Variants in EBF2 observed in about 807,000 individuals in gnomAD.
EBF2 encodes EBF transcription factor 2, also known as transcription factor COE2.
EBF2 carries 21 observed loss-of-function variants against 72.8 expected under a neutral mutation model. The observed-to-expected ratio is 0.29, with a 90% confidence interval of 0.20 to 0.42. The LOEUF (loss-of-function observed/expected upper bound fraction) is 0.42. Among genes scored for constraint, EBF2 ranks in the 10% least tolerant of loss-of-function variants. The pLI, the probability that EBF2 is intolerant of heterozygous loss-of-function variation, is 1.00. For synonymous variants in EBF2, 299 were observed against 274.2 expected (o/e 1.09, Z -0.89); for missense variants, 637 against 731.2 (o/e 0.87, Z 1.49).
chr8:25,987,455 C>G (rs539222294), intron 6 of EBF2, among the ~76,000 whole-genome samples: 2 of 152,252 alleles, frequency 1.3e-5, no homozygotes, highest in African/African-American at 4.8e-5. Flanking sequence ...CACTCTATGG[C>G]TGGCTCTCCA....
At chr8:25,915,382 C>T (rs1296946968) in intron 6 of EBF2, among the ~76,000 whole-genome samples, 3 of 151,992 alleles carry the variant, frequency 2.0e-5, no homozygotes, top group Non-Finnish European at 2.9e-5. Context: ...TCTTCCTCTT[C>T]TGCTGGAATA....
At chr8:25,926,368 C>T (rs1405860890) in intron 6 of EBF2, among the ~76,000 whole-genome samples, 2 of 152,112 alleles carry the variant, frequency 1.3e-5, no homozygotes, top group African/African-American at 4.8e-5. Context: ...TCTCCTCTCA[C>T]CCCCACCTTT....
intron 6 of EBF2, among the ~76,000 whole-genome samples, chr8:26,017,256 T>C (rs866006117): frequency 6.6e-6 from 1 of 152,090 alleles, no homozygotes; most frequent in Non-Finnish European, 1.5e-5. Context: ...GTGCCCACCC[T>C]GTCTAAATAC....
chr8:25,866,001 G>A (rs1189170439), intron 10 of EBF2, among the ~76,000 whole-genome samples: 3 of 151,550 alleles, frequency 2.0e-5, no homozygotes. Context: ...CCCCAGCCTG[G>A]GTGACAGAGC....
chr8:25,849,316 A>G (rs1441050376), intron 15 of EBF2, among the ~76,000 whole-genome samples: 2 of 152,152 alleles, frequency 1.3e-5, no homozygotes, highest in Non-Finnish European at 2.9e-5. Context: ...ATGGCTCAGG[A>G]ACCTAACGTA....
chr8:25,937,272 G>T (rs1430322277), intron 6 of EBF2, among the ~76,000 whole-genome samples: 1 of 152,034 alleles, frequency 6.6e-6, no homozygotes, highest in Non-Finnish European at 1.5e-5. Context: ...CTCCAAGTTG[G>T]CCAAAAGCAG....
At chr8:25,947,910 C>A (rs1255702263) in intron 6 of EBF2, among the ~76,000 whole-genome samples, 1 of 152,192 alleles carries the variant, frequency 6.6e-6, no homozygotes, top group Non-Finnish European at 1.5e-5. Context: ...TCTGTTTTGT[C>A]ATTTTTGGTT....
chr8:25,983,791 C>A (rs188205933), intron 6 of EBF2, among the ~76,000 whole-genome samples: 5 of 152,224 alleles, frequency 3.3e-5, no homozygotes, highest in Admixed American at 1.3e-4. Flanking sequence ...AGCTGACACC[C>A]GAGTGCTGAA....
intron 6 of EBF2, among the ~76,000 whole-genome samples, chr8:25,941,834 C>T (rs1247767544): frequency 6.6e-6 from 1 of 152,138 alleles, no homozygotes; most frequent in Non-Finnish European, 1.5e-5. Flanking sequence ...TTTATGACAC[C>T]CTGATAAACA....
At chr8:26,037,143 CT>C (rs1440644460) in intron 5 of EBF2, among the ~76,000 whole-genome samples, 1 of 152,108 alleles carries the variant, frequency 6.6e-6, no homozygotes, top group East Asian at 1.9e-4. Context: ...CACCCGGAGT[CT>C]TTGAAGGAGA....
At chr8:26,033,565 G>A (rs1342351870) in intron 5 of EBF2, among the ~76,000 whole-genome samples, 2 of 152,214 alleles carry the variant, frequency 1.3e-5, no homozygotes, top group Non-Finnish European at 2.9e-5. Flanking sequence ...TGTCTTGGAG[G>A]GAAACAACAC....
At chr8:25,866,444 A>T (rs1802317874) in intron 10 of EBF2, among the ~76,000 whole-genome samples, 5 of 58,908 alleles carry the variant, frequency 8.5e-5, no homozygotes, top group East Asian at 3.2e-4. Flanking sequence ...TATATATATA[A>T]TATATATATA....
chr8:25,903,788 G>A (rs61560850), intron 7 of EBF2, among the ~76,000 whole-genome samples: 3 of 152,316 alleles, frequency 2.0e-5, no homozygotes, highest in Non-Finnish European at 4.4e-5. Context: ...TAGATACTTA[G>A]GAGGAGGCAG....
chr8:25,966,494 G>A (rs1415800758), intron 6 of EBF2, among the ~76,000 whole-genome samples: 4 of 152,158 alleles, frequency 2.6e-5, no homozygotes, highest in East Asian at 1.9e-4. Context: ...AGAAAGAAAC[G>A]GAACTGTAGA....
At chr8:25,954,240 C>G (rs77777517) in intron 6 of EBF2, among the ~76,000 whole-genome samples, 2,245 of 152,276 alleles carry the variant, frequency 0.015, 62 homozygotes, top group African/African-American at 0.051. Context: ...ATCGGGCCAC[C>G]TGGAAACCCA....
intron 6 of EBF2, among the ~76,000 whole-genome samples, chr8:25,961,931 A>G (rs1804041369): frequency 6.6e-6 from 1 of 152,208 alleles, no homozygotes; most frequent in South Asian, 2.1e-4. Context: ...CAGCTTCTCC[A>G]AACTGTCCTT....
intron 15 of EBF2, among the ~76,000 whole-genome samples, chr8:25,846,195 A>C (rs1801829791): frequency 3.9e-5 from 6 of 152,168 alleles, no homozygotes; most frequent in Admixed American, 3.9e-4. Context: ...GAGATATAGC[A>C]ACCCTAGTAA....
chr8:25,924,732 T>C (rs1803358489), intron 6 of EBF2, among the ~76,000 whole-genome samples: 1 of 152,246 alleles, frequency 6.6e-6, no homozygotes, highest in African/African-American at 2.4e-5. Context: ...GCATGACTAA[T>C]CCCGAAGTTC....
chr8:25,976,110 T>G (rs1013688144), intron 6 of EBF2, among the ~76,000 whole-genome samples: 1 of 152,200 alleles, frequency 6.6e-6, no homozygotes, highest in Non-Finnish European at 1.5e-5. Context: ...TCAATTACTA[T>G]GAAAACCCTC....
Sources: gnomAD v4.1 joint callset for allele counts (sites outside exome capture counted in the v4.1 genomes callset) on GRCh38, gnomAD v4.1.1 for gene constraint, MANE v1.5 for transcripts, NCBI Gene and HGNC (gene_info 2026-07-23, HGNC 2026-07-21) for gene names.